Variants in MXD4 observed in about 807,000 individuals in gnomAD.
The protein encoded by MXD4 is Mad4 homolog.
In MXD4, 16 loss-of-function variants were observed where a neutral mutation model predicts 24.5. That is an observed-to-expected ratio of 0.65 (90% CI 0.44 to 0.99). The LOEUF (loss-of-function observed/expected upper bound fraction) is 0.99, where lower values mean the gene tolerates loss of function less well. MXD4 is among the 50% of genes least tolerant of loss of function. The pLI is 0.00. For missense variants in MXD4, 301 were observed against 301.5 expected (o/e 1.00, Z 0.01); for synonymous variants, 164 against 134.2 (o/e 1.22, Z -1.54).
intron 4 of MXD4, 104 bp from the exon 5 acceptor site, chr4:2,251,350 C>A (rs1735319513): frequency 1.5e-6 from 2 of 1,357,880 alleles, no homozygotes; most frequent in South Asian, 3.1e-5. Context: ...GGTTCCCCAT[C>A]CCTGCCAAGA....
chr4:2,257,918 C>CA (rs1735463218), intron 3 of MXD4, 64 bp downstream of exon 3: 1 of 1,605,034 alleles, frequency 6.2e-7, no homozygotes, highest in Non-Finnish European at 8.5e-7. Context: ...CAACGCACCA[C>CA]ACACCCTCAG....
At position 2,261,982 on chromosome 4, in the gene MXD4, C is replaced by G. The variant is rs1422723501; in HGVS notation, c.-2G>C. The G allele has an allele frequency of 7.4e-7, 1 of 1,345,498 alleles. No individual in the cohort carries two copies. The allele number at this position is 1,345,498 out of a possible 1,614,324, so 83.3% of individuals were successfully genotyped here. On this transcript the variant is annotated 5_prime_UTR_variant, in exon 1 of 6. Transcript: ENST00000337190. ...GATCAGCAGGGAGTTCAGCTCCATCCTCCCGCCCGCGCCCGTCCGCCCCGG... is the reference window on the plus strand; with the variant it reads ...GATCAGCAGGGAGTTCAGCTCCATCGTCCCGCCCGCGCCCGTCCGCCCCGG...
At chr4:2,257,294 C>T (rs1735450679) in intron 3 of MXD4, among the ~76,000 whole-genome samples, 2 of 152,198 alleles carry the variant, frequency 1.3e-5, no homozygotes, top group African/African-American at 4.8e-5. Context: ...GATCACAAGT[C>T]AGGAGAGAGC....
In MXD4 at chr4:2,250,563, C is replaced by T; in HGVS notation, c.611G>A (p.Gly204Asp). The T allele has an allele frequency of 6.3e-7, 1 of 1,598,248 alleles. No homozygotes were observed. Among genetic ancestry groups the T allele is most frequent in the South Asian group, 1.1e-5 (1 of 89,480 alleles). ...SGFGPHCRRL[G>D]RPALS ...ACGGGCCTACGAGAGGGCGGGGCGG[C>T]CCAGCCGCCGGCAGTGGGGCCCGAA... The change falls in exon 6 of 6, where the codon GGC becomes GAC. Residue 204 changes from glycine to aspartate, a missense_variant. Transcript: ENST00000337190.
In MXD4 at chr4:2,249,991, G is replaced by A. The variant is rs1735281704; in HGVS notation, c.*553C>T. ...CCTAGGTTCTGACACCTGCGAAGTGGGAAGGACCTTAACCACCCACCTGCC... is the reference window on the plus strand; with the variant it reads ...CCTAGGTTCTGACACCTGCGAAGTGAGAAGGACCTTAACCACCCACCTGCC... On this transcript the variant is annotated 3_prime_UTR_variant, in exon 6 of 6. Coordinates refer to ENST00000337190, the MANE Select transcript of MXD4 (RefSeq NM_006454.3). The A allele has an allele frequency of 6.5e-6, 1 of 155,014 alleles. No homozygotes were observed. Among genetic ancestry groups the A allele is most frequent in the Non-Finnish European group, 1.4e-5 (1 of 69,464 alleles). 9.6% of individuals were successfully genotyped at this position (155,014 alleles called of 1,614,324 possible).
intron 5 of MXD4, 89 bp from the exon 6 acceptor site, chr4:2,250,790 A>C: frequency 6.7e-7 from 1 of 1,485,790 alleles, no homozygotes; most frequent in Non-Finnish European, 9.1e-7. Flanking sequence ...CTCTAGGCAG[A>C]GGGGCAGAAG....
At chr4:2,256,722 G>A (rs1162526753) in intron 3 of MXD4, among the ~76,000 whole-genome samples, 2 of 152,148 alleles carry the variant, frequency 1.3e-5, no homozygotes, top group Non-Finnish European at 2.9e-5. Flanking sequence ...GGGAGGAGAG[G>A]ACAGAGGGCA....
chr4:2,250,814 G>A, intron 5 of MXD4, 113 bp from the exon 6 acceptor site: 1 of 1,365,652 alleles, frequency 7.3e-7, no homozygotes, highest in South Asian at 1.5e-5. Flanking sequence ...GGAGGGCGCT[G>A]TCTGGGCCCT....
At chr4:2,255,947 G>T (rs1194581669) in intron 3 of MXD4, among the ~76,000 whole-genome samples, 1 of 152,136 alleles carries the variant, frequency 6.6e-6, no homozygotes, top group Non-Finnish European at 1.5e-5. Context: ...CACTCCCTCT[G>T]CCTGCGTTTT....
intron 4 of MXD4, among the ~76,000 whole-genome samples, chr4:2,252,170 C>G (rs1195330804): frequency 6.6e-6 from 1 of 152,174 alleles, no homozygotes; most frequent in African/African-American, 2.4e-5. Context: ...CCATCAGCAC[C>G]CAACAAACCC....
chr4:2,258,011 C>A lies in MXD4; in HGVS notation c.165G>T (p.Arg55Ser), dbSNP rs200832798. ...GCTTTTCTAGCTCGTTGTGTGAAGA[C>A]CTGTTTAGAAAGACAGAAAGACAGA... ...AGLVRKAPNN[R>S]SSHNELEKHR... is the part of the protein sequence containing the mutation. The change falls in exon 3 of 6, where the codon AGG becomes AGT. Residue 55 changes from arginine (R) to serine (S), a missense_variant and splice_region_variant. Transcript: ENST00000337190. The A allele has an allele frequency of 6.2e-7, 1 of 1,613,658 alleles. No homozygotes were observed. Among genetic ancestry groups the A allele is most frequent in the Non-Finnish European group, 8.5e-7 (1 of 1,179,938 alleles).
intron 2 of MXD4, among the ~76,000 whole-genome samples, chr4:2,260,843 C>A (rs1238355518): frequency 6.6e-6 from 1 of 152,216 alleles, no homozygotes; most frequent in East Asian, 1.9e-4. Flanking sequence ...AGGGCTGGGC[C>A]AAGGTGGGCC....
rs781587060 is a variant in MXD4, at chr4:2,250,373, C to T, written c.*171G>A. ...GCCCAGCTGGAAGGGGCAGGCAGCTCGGCAGGCCCTGACCGGCAAGCGGGC... is the reference window on the plus strand; with the variant it reads ...GCCCAGCTGGAAGGGGCAGGCAGCTTGGCAGGCCCTGACCGGCAAGCGGGC... On this transcript the variant is annotated 3_prime_UTR_variant, in exon 6 of 6. Transcript: ENST00000337190. The T allele has an allele frequency of 1.1e-5, 10 of 908,684 alleles. No individual in the cohort carries two copies. The highest frequency in any genetic ancestry group is 3.6e-5 in the South Asian group (2 of 56,116). 56.3% of individuals were successfully genotyped at this position (908,684 alleles called of 1,614,324 possible). A position where few individuals can be genotyped will look rare whatever the true frequency, so the allele number is the denominator to read the frequency against.
chr4:2,248,302 G>C lies in MXD4; in HGVS notation c.*2242C>G, dbSNP rs377723308. The stretch of plus-strand genomic sequence containing the variant: ...TCAAGAGCCACAGGCTGAGCTGCCG[G>C]GAGGGTGGGCTGAGGGGCCACCACT... On this transcript the variant is annotated 3_prime_UTR_variant, in exon 6 of 6. Coordinates refer to ENST00000337190, the MANE Select transcript of MXD4 (RefSeq NM_006454.3). 3.9e-5 allele frequency: 6 copies of C among 152,616 alleles called. No homozygotes were observed. In the East Asian group the frequency reaches 1.2e-3, roughly 29 times the overall value. The allele number at this position is 152,616 out of a possible 1,614,324, so 9.5% of individuals were successfully genotyped here. A position where few individuals can be genotyped will look rare whatever the true frequency, so the allele number is the denominator to read the frequency against.
Position 2,262,086 on chromosome 4 carries a change from C to G in MXD4, c.-106G>C. 1 of 535,178 alleles carries G rather than the reference C, an allele frequency of 1.9e-6. No individual in the cohort carries two copies. Among genetic ancestry groups the G allele is most frequent in the Non-Finnish European group, 2.4e-6 (1 of 418,212 alleles). The allele number at this position is 535,178 out of a possible 1,614,324, so 33.2% of individuals were successfully genotyped here. ...CCCGCGCGCCCGGCCGCCGCACTTC[C>G]AGACTCCGCGGACTCCGGCGCTCGG... On this transcript the variant is annotated 5_prime_UTR_variant, in exon 1 of 6. Coordinates refer to ENST00000337190, the MANE Select transcript of MXD4 (RefSeq NM_006454.3).
chr4:2,253,775 A>G (rs529721369), intron 3 of MXD4: 3 of 152,424 alleles, frequency 2.0e-5, no homozygotes, highest in African/African-American at 7.2e-5. Context: ...TAACAGCCCC[A>G]CCAGTCGGGA....
In MXD4 at chr4:2,250,438, G is replaced by T; in HGVS notation, c.*106C>A. ...CAGCAGCAGCTGGAGCTTCCAGAAT[G>T]GCACAGCAGTGGGCCTGTGGAGAGG... On this transcript the variant is annotated 3_prime_UTR_variant, in exon 6 of 6. Coordinates refer to ENST00000337190, the MANE Select transcript of MXD4 (RefSeq NM_006454.3). 1.5e-6 allele frequency: 2 copies of T among 1,317,696 alleles called. No homozygotes were observed. The highest frequency in any genetic ancestry group is 2.8e-5 in the Admixed American group (1 of 35,272). 81.6% of individuals were successfully genotyped at this position (1,317,696 alleles called of 1,614,324 possible). A position where few individuals can be genotyped will look rare whatever the true frequency, so the allele number is the denominator to read the frequency against.
Position 2,258,023 on chromosome 4 carries a change from G to A in MXD4, c.165-12C>T. On this transcript the variant is annotated splice_polypyrimidine_tract_variant and intron_variant, in intron 2 of 5. Transcript: ENST00000337190. The stretch of plus-strand genomic sequence containing the variant: ...CGTTGTGTGAAGACCTGTTTAGAAA[G>A]ACAGAAAGACAGAGCTCACTCTTCT... The A allele has an allele frequency of 6.2e-7, 1 of 1,613,570 alleles. No individual in the cohort carries two copies. The highest frequency in any genetic ancestry group is 2.2e-5 in the East Asian group (1 of 44,890).
chr4:2,252,450 G>A lies in MXD4; in HGVS notation c.267C>T (p.His89=), dbSNP rs1203670260. The part of the protein sequence containing the change: ...LVPLGPDSTR[H]TTLSLLKRAK... ...CCCGCTTCAGGAGGCTCAGCGTGGT[G>A]TGGCGGGTGCTGTCGGGGCCCAGGG... Residue 89 remains histidine (H), a synonymous_variant, in exon 4 of 6, where the codon CAC becomes CAT. Transcript: ENST00000337190. 21 of 1,612,384 alleles carry A rather than the reference G, an allele frequency of 1.3e-5. No individual in the cohort carries two copies. The highest frequency in any genetic ancestry group is 1.7e-5 in the Non-Finnish European group (20 of 1,180,000).
Sources: gnomAD v4.1 joint callset for allele counts (sites outside exome capture counted in the v4.1 genomes callset) on GRCh38, gnomAD v4.1.1 for gene constraint, MANE v1.5 for transcripts, NCBI Gene and HGNC (gene_info 2026-07-23, HGNC 2026-07-21) for gene names.